Variants in ANK3 observed in about 807,000 individuals in gnomAD.
The protein encoded by ANK3 is ankyrin-3.
Under a neutral mutation model 370.9 loss-of-function variants are expected in ANK3, and 57 were observed. That is an observed-to-expected ratio of 0.15 (90% CI 0.12 to 0.19). ANK3 has a LOEUF of 0.19. Among genes scored for constraint, ANK3 ranks in the 10% least tolerant of loss-of-function variants. The pLI is 1.00. For synonymous variants in ANK3, 1,929 were observed against 1,946.3 expected, an observed-to-expected ratio of 0.99 and a Z score of 0.23; for missense variants, 4,439 against 5,302.1, an observed-to-expected ratio of 0.84 and a Z score of 5.06.
At chr10:60,512,206 A>C (rs528227249) in intron 2 of ANK3, among the ~76,000 whole-genome samples, 2 of 152,242 alleles carry the variant, frequency 1.3e-5, no homozygotes, top group South Asian at 2.1e-4. Context: ...AAAACAAAAC[A>C]AAAACCAAAA....
At chr10:60,037,612 G>GA (rs2075318681) in intron 43 of ANK3, among the ~76,000 whole-genome samples, 1 of 144,726 alleles carries the variant, frequency 6.9e-6, no homozygotes, top group African/African-American at 2.6e-5. Context: ...TCCTGCAAAG[G>GA]ACATGCTCTC....
At chr10:60,181,176 C>T (rs561846814) in intron 18 of ANK3, among the ~76,000 whole-genome samples, 153 bp downstream of exon 18, 2 of 152,292 alleles carry the variant, frequency 1.3e-5, no homozygotes, top group East Asian at 3.9e-4. Flanking sequence ...CAACCGGAGA[C>T]TTTAGTGTCC....
intron 1 of ANK3, among the ~76,000 whole-genome samples, chr10:60,705,019 T>C (rs1468516418): frequency 1.3e-5 from 2 of 152,186 alleles, no homozygotes; most frequent in Admixed American, 6.5e-5. Flanking sequence ...GGACAAAACA[T>C]AGCTTTCCTA....
intron 8 of ANK3, among the ~76,000 whole-genome samples, chr10:60,214,079 T>C (rs540611639): frequency 6.6e-6 from 1 of 152,262 alleles, no homozygotes; most frequent in East Asian, 1.9e-4. Flanking sequence ...ATTATTTGAA[T>C]ATAACCAATC....
chr10:60,466,531 A>G (rs1310861609), intron 2 of ANK3, among the ~76,000 whole-genome samples: 2 of 152,158 alleles, frequency 1.3e-5, no homozygotes, highest in African/African-American at 2.4e-5. Flanking sequence ...AAGGTTAAAT[A>G]TAGTTACTAT....
intron 1 of ANK3, among the ~76,000 whole-genome samples, chr10:60,385,470 ACT>A (rs2062124724): frequency 6.6e-6 from 1 of 151,904 alleles, no homozygotes; most frequent in Non-Finnish European, 1.5e-5. Context: ...TCTGGGTGTT[ACT>A]GTAGTGTTGC....
In ANK3 at chr10:60,627,433, G is replaced by C. The variant is rs188543434; in HGVS notation, c.58-12209C>G. On this transcript the variant is annotated intron_variant, in intron 1 of 43. Transcript: ENST00000373827. ...GATAAAAAATAAAAATAAAAAAAAG[G>C]CATCTGTATTCTGCTGCCAGAAACC... Among the ~76,000 whole-genome samples the C allele has an allele frequency of 8.7e-4, 132 of 151,346 alleles. No homozygotes were observed. In the East Asian group the frequency reaches 0.024, roughly 27 times the overall value.
chr10:60,136,479 G>T (rs987281989), intron 24 of ANK3, among the ~76,000 whole-genome samples: 4 of 72,684 alleles, frequency 5.5e-5, no homozygotes, highest in East Asian at 3.6e-4. Flanking sequence ...TGGTCCCCAT[G>T]GCATGATATG....
chr10:60,059,467 C>T (rs1398658349), intron 40 of ANK3, 37 bp from the exon 41 acceptor site: 2 of 1,561,436 alleles, frequency 1.3e-6, no homozygotes, highest in Admixed American at 1.7e-5. Context: ...GCTTGCTGAA[C>T]ACGCTTAAGA....
At chr10:60,052,531 C>T (rs900796652) in intron 42 of ANK3, among the ~76,000 whole-genome samples, 1 of 151,800 alleles carries the variant, frequency 6.6e-6, no homozygotes, top group Non-Finnish European at 1.5e-5. Context: ...AATAGAATAC[C>T]TTTCACAGAC....
At chr10:60,244,203 A>G (rs980623254) in intron 7 of ANK3, among the ~76,000 whole-genome samples, 2 of 152,304 alleles carry the variant, frequency 1.3e-5, no homozygotes, top group African/African-American at 4.8e-5. Flanking sequence ...GCCATTTTCT[A>G]TATTACTTGT....
intron 2 of ANK3, among the ~76,000 whole-genome samples, chr10:60,548,809 C>A (rs547078482): frequency 6.6e-6 from 1 of 152,044 alleles, no homozygotes; most frequent in African/African-American, 2.4e-5. Flanking sequence ...TTAATTCTTA[C>A]AACAATCTCA....
At chr10:60,280,434 C>T (rs906582913) in intron 1 of ANK3, among the ~76,000 whole-genome samples, 3 of 152,144 alleles carry the variant, frequency 2.0e-5, no homozygotes, top group African/African-American at 7.2e-5. Flanking sequence ...AGTACATAGC[C>T]ATATGTAGGA....
At chr10:60,523,548 A>G (rs2076400383) in intron 2 of ANK3, among the ~76,000 whole-genome samples, 1 of 151,838 alleles carries the variant, frequency 6.6e-6, no homozygotes, top group African/African-American at 2.4e-5. Flanking sequence ...AGTTTCATCC[A>G]TGTCCCTACA....
intron 2 of ANK3, among the ~76,000 whole-genome samples, chr10:60,499,898 C>T (rs1455959674): frequency 1.3e-5 from 2 of 152,162 alleles, no homozygotes; most frequent in Non-Finnish European, 2.9e-5. Flanking sequence ...TGTTCCCAAA[C>T]CCCACCCCCA....
chr10:60,234,638 T>C (rs2097301206), intron 8 of ANK3, 50 bp downstream of exon 8: 1 of 1,113,158 alleles, frequency 9.0e-7, no homozygotes, highest in East Asian at 2.4e-5. Context: ...GGAAAAGTAT[T>C]CCTACTTCCT....
intron 2 of ANK3, among the ~76,000 whole-genome samples, chr10:60,428,220 C>T (rs896187699): frequency 6.6e-6 from 1 of 152,164 alleles, no homozygotes; most frequent in Non-Finnish European, 1.5e-5. Flanking sequence ...CACATCAAAA[C>T]ATGAAGTTCA....
intron 1 of ANK3, among the ~76,000 whole-genome samples, chr10:60,309,912 TTTC>T (rs1418652739): frequency 6.8e-6 from 1 of 147,380 alleles, no homozygotes; most frequent in African/African-American, 2.5e-5. Flanking sequence ...TTTCTTTTCT[TTTC>T]TTTTTTCTTT....
At chr10:60,082,075 CT>C in intron 35 of ANK3, 74 bp downstream of exon 35, 1 of 1,204,110 alleles carries the variant, frequency 8.3e-7, no homozygotes, top group Non-Finnish European at 1.2e-6. Context: ...CACTTTAGCC[CT>C]CTGCAACTTC....
Sources: allele counts gnomAD v4.1 joint callset (sites outside exome capture counted in the v4.1 genomes callset), GRCh38; gene constraint gnomAD v4.1.1; transcripts MANE v1.5; gene names NCBI Gene and HGNC (gene_info 2026-07-23, HGNC 2026-07-21).